SMARCAL1: variants seen among roughly 807,000 people sequenced by gnomAD.
The protein encoded by SMARCAL1 is ATP-driven annealing helicase.
A neutral mutation model predicts 94.5 loss-of-function variants in SMARCAL1; 58 were observed. The observed-to-expected ratio is 0.61, with a 90% CI of 0.50 to 0.76. The LOEUF (loss-of-function observed/expected upper bound fraction) is 0.76. SMARCAL1 is among the 30% of genes least tolerant of loss of function. The pLI, the probability that SMARCAL1 is intolerant of heterozygous loss-of-function variation, is 0.00. For missense variants in SMARCAL1, 1,051 were observed against 1,177.9 expected (o/e 0.89, Z 1.58); for synonymous variants, 422 against 455.1 (o/e 0.93, Z 0.93).
At chr2:216,413,464 A>G (rs186047894) in intron 1 of SMARCAL1, among the ~76,000 whole-genome samples, 102 of 152,340 alleles carry the variant, frequency 6.7e-4, no homozygotes, top group Admixed American at 1.9e-3. Context: ...ATCCTACTTT[A>G]TAATAAATTC....
chr2:216,480,274 T>G (rs1283228140), intron 17 of SMARCAL1, among the ~76,000 whole-genome samples: 2 of 152,172 alleles, frequency 1.3e-5, no homozygotes, highest in Non-Finnish European at 2.9e-5. Flanking sequence ...AAAAAGAAAA[T>G]GTTGCTTCCA....
intron 17 of SMARCAL1, among the ~76,000 whole-genome samples, chr2:216,481,876 T>A (rs1426361939): frequency 6.6e-6 from 1 of 152,226 alleles, no homozygotes; most frequent in Non-Finnish European, 1.5e-5. Context: ...ATGGAAAATA[T>A]ACCTCTAAAT....
chr2:216,470,315 T>G (rs868293236), intron 14 of SMARCAL1, among the ~76,000 whole-genome samples: 6 of 151,804 alleles, frequency 4.0e-5, no homozygotes, highest in Admixed American at 6.6e-5. Context: ...CACGCCCAGC[T>G]AATTTTTTTG....
At chr2:216,435,999 A>C (rs1306337830) in intron 9 of SMARCAL1, among the ~76,000 whole-genome samples, 4 of 151,764 alleles carry the variant, frequency 2.6e-5, no homozygotes, top group Admixed American at 2.0e-4. Flanking sequence ...ACAGAGTTTC[A>C]CTCTTGTCAC....
chr2:216,413,685 C>CA (rs1693517803), intron 1 of SMARCAL1, among the ~76,000 whole-genome samples, 171 bp from the exon 2 acceptor site: 1 of 151,858 alleles, frequency 6.6e-6, no homozygotes, highest in African/African-American at 2.4e-5. Flanking sequence ...CCAGGAGAGT[C>CA]AGTCAGTTGC....
At chr2:216,419,684 C>A (rs80097651) in intron 4 of SMARCAL1, among the ~76,000 whole-genome samples, 2 of 151,982 alleles carry the variant, frequency 1.3e-5, no homozygotes, top group African/African-American at 4.8e-5. Flanking sequence ...TTCATCCTGG[C>A]GAGCTTCCTC....
rs561025943 is a variant in SMARCAL1, at chr2:216,462,424, G to T, written c.2071-2173G>T. On this transcript the variant is annotated intron_variant, in intron 12 of 17. Transcript: ENST00000357276. ...CCTGCCCCTTTGGCTACTAGAAACT[G>T]CATTGGGTTGGAGGGCCTAGCCTGC... Among the ~76,000 whole-genome samples, 359 of 152,280 alleles carry T rather than the reference G, an allele frequency of 2.4e-3. 1 individual carries two copies. Among genetic ancestry groups the T allele is most frequent in the Non-Finnish European group, 4.1e-3 (278 of 68,026 alleles).
At chr2:216,466,192 G>T (rs1292777725) in intron 13 of SMARCAL1, among the ~76,000 whole-genome samples, 1 of 152,128 alleles carries the variant, frequency 6.6e-6, no homozygotes, top group Non-Finnish European at 1.5e-5. Flanking sequence ...CAGATACTGT[G>T]CCCAGAGCCA....
At chr2:216,431,910 G>A (rs1418490811) in intron 7 of SMARCAL1, among the ~76,000 whole-genome samples, 1 of 152,192 alleles carries the variant, frequency 6.6e-6, no homozygotes, top group East Asian at 1.9e-4. Flanking sequence ...CTCATTAGCA[G>A]CATCTTCTGT....
intron 12 of SMARCAL1, among the ~76,000 whole-genome samples, chr2:216,459,628 C>T (rs1694651774): frequency 1.3e-5 from 2 of 151,982 alleles, no homozygotes; most frequent in Admixed American, 6.6e-5. Context: ...AACTGGCTAG[C>T]CATATGTAGA....
In SMARCAL1 at chr2:216,475,267, AG is replaced by A; in HGVS notation, c.2245-1del. ...CCTTGCTTCTGCCCCTTGTTCCTGC[AG>A]CACGTGCAGCACATCCGCATCGATG... On this transcript the variant is annotated splice_acceptor_variant, in intron 14 of 17. Transcript: ENST00000357276. LOFTEE classifies it high-confidence loss of function. This position sits in a 1 kb window ranked among gnomAD's most constrained non-coding sequence, Gnocchi z 4.4. The A allele has an allele frequency of 6.2e-7, 1 of 1,614,080 alleles. No homozygotes were observed. The highest frequency in any genetic ancestry group is 8.5e-7 in the Non-Finnish European group (1 of 1,180,010).
intron 3 of SMARCAL1, 23 bp downstream of exon 3, chr2:216,415,538 G>GTTTTTTTTTTTT: frequency 7.1e-7 from 1 of 1,399,876 alleles, no homozygotes. Context: ...TTTTTCAGCT[G>GTTTTTTTTTTTT]TTTTTTTTTT....
intron 6 of SMARCAL1, among the ~76,000 whole-genome samples, chr2:216,425,051 T>A (rs1693801942): frequency 6.6e-6 from 1 of 152,208 alleles, no homozygotes; most frequent in Non-Finnish European, 1.5e-5. Flanking sequence ...CCCAAGTAGC[T>A]GTACACAGAA....
Position 216,432,848 on chromosome 2 carries a change from G to A in SMARCAL1, c.1465G>A (p.Val489Met), listed in dbSNP as rs745494010. The change falls in exon 8 of 18, where the codon GTG becomes ATG. Residue 489 changes from valine to methionine, a missense_variant. Around this residue, in one of 3 missense-constraint regions of SMARCAL1, gnomAD observed 642 missense variants for 754.7 expected, o/e 0.85. Transcript: ENST00000357276. ...WPLLVVVPSSVRFTWEQAFLR... is the reference protein window; with the variant it reads ...WPLLVVVPSSMRFTWEQAFLR... ...GCTCCTGGTGGTGGTGCCATCCTCC[G>A]TGCGCTTCACCTGGGAGCAGGTTAA... 3.7e-6 allele frequency: 6 copies of A among 1,614,222 alleles called. No individual in the cohort carries two copies. Among genetic ancestry groups the A allele is most frequent in the East Asian group, 2.2e-5 (1 of 44,884 alleles).
intron 7 of SMARCAL1, 71 bp from the exon 8 acceptor site, chr2:216,432,647 A>T: frequency 6.3e-7 from 1 of 1,591,920 alleles, no homozygotes; most frequent in Admixed American, 1.7e-5. Context: ...AGCAGTGCTG[A>T]CCCACCGGAC....
chr2:216,435,951 C>T (rs57550953), intron 9 of SMARCAL1, among the ~76,000 whole-genome samples: 5,341 of 152,194 alleles, frequency 0.035, 206 homozygotes, highest in East Asian at 0.16. Flanking sequence ...TTTACTCTAA[C>T]TGTTTTTTGG....
At chr2:216,481,388 G>T (rs879334998) in intron 17 of SMARCAL1, among the ~76,000 whole-genome samples, 4 of 152,114 alleles carry the variant, frequency 2.6e-5, no homozygotes, top group African/African-American at 7.2e-5. Flanking sequence ...TAGAGATGGG[G>T]TTTTGCCATG....
chr2:216,457,180 G>T (rs1694585954), intron 12 of SMARCAL1, among the ~76,000 whole-genome samples: 1 of 152,058 alleles, frequency 6.6e-6, no homozygotes, highest in Non-Finnish European at 1.5e-5. Flanking sequence ...AGCACCCAGA[G>T]TCATAAAGCA....
chr2:216,446,849 G>GA, intron 10 of SMARCAL1, 169 bp from the exon 11 acceptor site: 1 of 724,118 alleles, frequency 1.4e-6, no homozygotes, highest in Admixed American at 2.0e-5. Flanking sequence ...AGGATTTAAA[G>GA]AAAAGGAGAT....
Sources: gnomAD v4.1 joint callset for allele counts (sites outside exome capture counted in the v4.1 genomes callset) on GRCh38, gnomAD v4.1.1 for gene constraint, gnomAD v4.1.1 regional missense constraint, Gnocchi (gnomAD v3.1) non-coding constraint, MANE v1.5 for transcripts, NCBI Gene and HGNC (gene_info 2026-07-23, HGNC 2026-07-21) for gene names.